Variants in DPF3 observed in about 807,000 individuals in gnomAD.
DPF3 encodes the protein zinc finger protein DPF3.
A neutral mutation model predicts 56.8 loss-of-function variants in DPF3; 18 were observed. The ratio of observed to expected loss-of-function variants is 0.32; its 90% confidence interval spans 0.22 to 0.47. The LOEUF (loss-of-function observed/expected upper bound fraction) is 0.47, where lower values mean the gene tolerates loss of function less well. Among genes scored for constraint, DPF3 ranks in the 20% least tolerant of loss-of-function variants. The pLI is 1.00. For synonymous variants in DPF3, 188 were observed against 180.2 expected, an observed-to-expected ratio of 1.04 and a Z score of -0.35; for missense variants, 403 against 488.8, an observed-to-expected ratio of 0.82 and a Z score of 1.65.
intron 1 of DPF3, among the ~76,000 whole-genome samples, chr14:72,794,828 A>G (rs1202760290): frequency 6.6e-6 from 1 of 152,182 alleles, no homozygotes; most frequent in African/African-American, 2.4e-5. Context: ...GCAGGGCTGT[A>G]TTCCTTTTGG....
At position 72,638,510 on chromosome 14, in the gene DPF3, T is replaced by G. The variant is rs568906836; in HGVS notation, c.872-8774A>C. ...ATCCAGGAGAATTTCAAAATGTCTG[T>G]AATTGATGTATAGCTGGTGGAAAAC... On this transcript the variant is annotated intron_variant, in intron 8 of 10. Transcript: ENST00000556509. 6.5e-5 allele frequency among the ~76,000 whole-genome samples: 9 copies of G among 139,292 alleles called. No homozygotes were observed. In the East Asian group the frequency reaches 2.2e-3, roughly 34 times the overall value. 91.4% of individuals were successfully genotyped at this position (139,292 alleles called of 152,430 possible).
chr14:72,879,480 G>C (rs1364771035), intron 1 of DPF3, among the ~76,000 whole-genome samples: 1 of 152,172 alleles, frequency 6.6e-6, no homozygotes, highest in Non-Finnish European at 1.5e-5. Flanking sequence ...CAGTGACTGA[G>C]AGAGAAGAGT....
intron 8 of DPF3, among the ~76,000 whole-genome samples, chr14:72,648,525 C>T (rs182340518): frequency 1.4e-5 from 2 of 147,320 alleles, no homozygotes; most frequent in African/African-American, 5.0e-5. Context: ...CATGCCACTG[C>T]ACACTCCAGC....
At chr14:72,683,326 C>CAAAAAA (rs56087517) in intron 7 of DPF3, among the ~76,000 whole-genome samples, 1 of 79,608 alleles carries the variant, frequency 1.3e-5, no homozygotes, top group Admixed American at 1.5e-4. Context: ...GACCCCATCT[C>CAAAAAA]AAAAAAAAAA....
chr14:72,863,084 A>G (rs796302206), intron 1 of DPF3, among the ~76,000 whole-genome samples: 3 of 10,150 alleles, frequency 3.0e-4, no homozygotes, highest in East Asian at 6.5e-3. Flanking sequence ...ATATATATAT[A>G]TATATATATA....
At chr14:72,828,841 C>T (rs992943640) in intron 1 of DPF3, among the ~76,000 whole-genome samples, 2 of 152,198 alleles carry the variant, frequency 1.3e-5, no homozygotes, top group Admixed American at 6.5e-5. Context: ...AGCAAGATTA[C>T]CCTGGCCACG....
In DPF3 at chr14:72,744,791, T is replaced by C. The variant is rs185684740; in HGVS notation, c.301+8473A>G. 8.6e-3 allele frequency among the ~76,000 whole-genome samples: 1,309 copies of C among 152,086 alleles called. 6 individuals are homozygous for C. The highest frequency in any genetic ancestry group is 0.014 in the Non-Finnish European group (976 of 67,994). On this transcript the variant is annotated intron_variant, in intron 3 of 10. Transcript: ENST00000556509. ...GAATACAGGAGGGACAAGCTGAATG[T>C]TGGCATAAATTTTTTGTGACATCTC...
chr14:72,669,095 C>T (rs1886558541), intron 8 of DPF3, among the ~76,000 whole-genome samples: 1 of 152,196 alleles, frequency 6.6e-6, no homozygotes, highest in Admixed American at 6.5e-5. Flanking sequence ...CCCAGGCGAT[C>T]ACATACACAT....
intron 4 of DPF3, among the ~76,000 whole-genome samples, chr14:72,729,503 G>A (rs1390276507): frequency 2.0e-5 from 3 of 152,124 alleles, no homozygotes; most frequent in Admixed American, 1.3e-4. Flanking sequence ...GCGGTAGCGG[G>A]TTCTGAGCAC....
intron 3 of DPF3, among the ~76,000 whole-genome samples, chr14:72,750,972 T>G (rs768922837): frequency 4.6e-5 from 7 of 152,094 alleles, no homozygotes; most frequent in African/African-American, 1.4e-4. Context: ...AGGAGGATTA[T>G]CTGAAGCCAG....
chr14:72,640,047 A>T (rs1031162636), intron 8 of DPF3, among the ~76,000 whole-genome samples: 9 of 13,214 alleles, frequency 6.8e-4, no homozygotes, highest in Non-Finnish European at 9.7e-4. Context: ...TTTTCTAAGT[A>T]AAAAAAAAAA....
chr14:72,798,643 C>A (rs552931878), intron 1 of DPF3, among the ~76,000 whole-genome samples: 55 of 152,328 alleles, frequency 3.6e-4, no homozygotes, highest in African/African-American at 1.2e-3. Flanking sequence ...GGGCTGCCAG[C>A]TGCTAAGGAT....
At chr14:72,777,372 GA>G (rs1389924378) in intron 1 of DPF3, among the ~76,000 whole-genome samples, 2 of 152,222 alleles carry the variant, frequency 1.3e-5, no homozygotes, top group Non-Finnish European at 2.9e-5. Context: ...CAAGGTGCGG[GA>G]AAGTTTTTAT....
At chr14:72,881,324 T>TTGC (rs1425221830) in intron 1 of DPF3, among the ~76,000 whole-genome samples, 1 of 119,822 alleles carries the variant, frequency 8.3e-6, no homozygotes, top group Non-Finnish European at 2.1e-5. Context: ...GTTGTTGTTG[T>TTGC]TGTTGTTGTT....
intron 3 of DPF3, among the ~76,000 whole-genome samples, chr14:72,746,314 G>A (rs1257594518): frequency 2.0e-5 from 3 of 152,198 alleles, no homozygotes; most frequent in African/African-American, 7.2e-5. Flanking sequence ...GCTGAGGCTC[G>A]TTACCACTGA....
chr14:72,744,506 C>A (rs1027437665), intron 3 of DPF3, among the ~76,000 whole-genome samples: 10 of 152,144 alleles, frequency 6.6e-5, no homozygotes, highest in Non-Finnish European at 1.5e-4. Flanking sequence ...CACTTTCCAG[C>A]CTGAAAGGTC....
At chr14:72,814,478 A>C (rs1883197687) in intron 1 of DPF3, among the ~76,000 whole-genome samples, 1 of 152,222 alleles carries the variant, frequency 6.6e-6, no homozygotes, top group Non-Finnish European at 1.5e-5. Flanking sequence ...ATTACCAAAA[A>C]GAACTTTTTC....
chr14:72,742,183 G>A (rs1599400720), intron 3 of DPF3, among the ~76,000 whole-genome samples: 1 of 152,206 alleles, frequency 6.6e-6, no homozygotes, highest in African/African-American at 2.4e-5. Flanking sequence ...AGCTGACGAA[G>A]CTGCCGGTGC....
chr14:72,722,672 C>T (rs1176844462), intron 5 of DPF3, among the ~76,000 whole-genome samples: 4 of 152,210 alleles, frequency 2.6e-5, no homozygotes, highest in Non-Finnish European at 5.9e-5. Flanking sequence ...ATTCTCAAGC[C>T]TGAGAGTCCA....
Sources: gnomAD v4.1 joint callset for allele counts (sites outside exome capture counted in the v4.1 genomes callset) on GRCh38, gnomAD v4.1.1 for gene constraint, MANE v1.5 for transcripts, NCBI Gene and HGNC (gene_info 2026-07-23, HGNC 2026-07-21) for gene names.